The following OSBPL3 variants were observed in gnomAD, a reference collection of about 807,000 sequenced individuals.
OSBPL3 encodes oxysterol binding protein like 3.
A neutral mutation model predicts 120.1 loss-of-function variants in OSBPL3; 65 were observed. The observed-to-expected ratio is 0.54, with a 90% CI of 0.44 to 0.67. The LOEUF (loss-of-function observed/expected upper bound fraction) is 0.67. Ranked by LOEUF, OSBPL3 falls within the 30% of genes least tolerant of loss-of-function variation. The pLI, the probability that OSBPL3 is intolerant of heterozygous loss-of-function variation, is 0.00. For synonymous variants in OSBPL3, 416 were observed against 402.6 expected (o/e 1.03, Z -0.40); for missense variants, 1,004 against 1,082.1 (o/e 0.93, Z 1.01).
chr7:24,885,411 G>A (rs1186959651), intron 2 of OSBPL3, among the ~76,000 whole-genome samples: 1 of 152,050 alleles, frequency 6.6e-6, no homozygotes, highest in Non-Finnish European at 1.5e-5. Context: ...GCTCTCTGGA[G>A]TGCGGCATAA....
chr7:24,928,019 C>A (rs1162501018), intron 1 of OSBPL3, among the ~76,000 whole-genome samples: 1 of 152,048 alleles, frequency 6.6e-6, no homozygotes, highest in East Asian at 1.9e-4. Flanking sequence ...ATTGTGAGAT[C>A]TTGTTGTTCA....
chr7:24,935,027 G>T (rs1584669061), intron 1 of OSBPL3, among the ~76,000 whole-genome samples: 1 of 152,062 alleles, frequency 6.6e-6, no homozygotes, highest in East Asian at 1.9e-4. Context: ...GTACAAGGTT[G>T]CTCATCATAA....
At chr7:24,924,197 A>G (rs1810753129) in intron 1 of OSBPL3, among the ~76,000 whole-genome samples, 1 of 152,218 alleles carries the variant, frequency 6.6e-6, no homozygotes, top group Non-Finnish European at 1.5e-5. Context: ...ATTTATGGTT[A>G]AGAGAAAAAT....
At chr7:24,974,524 G>T (rs1358209300) in intron 1 of OSBPL3, among the ~76,000 whole-genome samples, 1 of 152,088 alleles carries the variant, frequency 6.6e-6, no homozygotes, top group Non-Finnish European at 1.5e-5. Context: ...ATAAAACAGC[G>T]AACAGGGCCC....
In OSBPL3 at chr7:24,879,322, A is replaced by G. The variant is rs1235067165; in HGVS notation, c.97-7253T>C. Among the ~76,000 whole-genome samples the G allele has an allele frequency of 6.6e-6, 1 of 152,250 alleles. No homozygotes were observed. Among genetic ancestry groups the G allele is most frequent in the African/African-American group, 2.4e-5 (1 of 41,466 alleles). On this transcript the variant is annotated intron_variant, in intron 2 of 22. Coordinates refer to ENST00000313367, the MANE Select transcript of OSBPL3 (RefSeq NM_015550.4). This position sits in a 1 kb window ranked among gnomAD's most constrained non-coding sequence, Gnocchi z 5.6. ...TTTGGGATCTAAGTGAGAAGATTAA[A>G]GAAAACAGGAGACTGAGCAATGAAG...
At chr7:24,934,138 G>C (rs1463174622) in intron 1 of OSBPL3, among the ~76,000 whole-genome samples, 2 of 151,978 alleles carry the variant, frequency 1.3e-5, no homozygotes, top group Non-Finnish European at 2.9e-5. Flanking sequence ...CTTCAATACA[G>C]GCCTCATTTT....
intron 1 of OSBPL3, among the ~76,000 whole-genome samples, chr7:24,951,311 T>A (rs1814405280): frequency 1.3e-5 from 2 of 152,190 alleles, no homozygotes; most frequent in South Asian, 4.1e-4. Flanking sequence ...TAAAAGCAAC[T>A]CCTTGCTCAA....
At position 24,979,385 on chromosome 7, in the gene OSBPL3, G is replaced by A. The variant is rs537103742; in HGVS notation, c.-150+501C>T. Among the ~76,000 whole-genome samples the A allele has an allele frequency of 3.0e-4, 45 of 152,284 alleles. 1 individual carries two copies. The highest frequency in any genetic ancestry group is 1.0e-3 in the African/African-American group (43 of 41,570). On this transcript the variant is annotated intron_variant, in intron 1 of 22. Transcript: ENST00000313367. ...CCTGGGCCTCCAGCCCAGCACCGGG[G>A]AGCTGAGCAAGCCGGGGTTGGGAAG...
In OSBPL3 at chr7:24,917,399, A is replaced by AT. The variant is rs1194293107; in HGVS notation, c.-149-24779_-149-24778insA. Among the ~76,000 whole-genome samples, 205 of 42,872 alleles carry AT rather than the reference A, an allele frequency of 4.8e-3. 2 individuals carry two copies. Among genetic ancestry groups the AT allele is most frequent in the African/African-American group, 0.02 (195 of 9,666 alleles). The allele number at this position is 42,872 out of a possible 152,430, so 28.1% of individuals were successfully genotyped here. Reference sequence around the variant, plus strand: ...ATTTGTAACATATATATATATTTGTAACATATATATATATATATATATATA... The same window carrying AT: ...ATTTGTAACATATATATATATTTGTATACATATATATATATATATATATATA... On this transcript the variant is annotated intron_variant, in intron 1 of 22. Transcript: ENST00000313367.
intron 1 of OSBPL3, among the ~76,000 whole-genome samples, chr7:24,951,532 C>A (rs976283057): frequency 6.6e-6 from 1 of 152,138 alleles, no homozygotes; most frequent in Non-Finnish European, 1.5e-5. Flanking sequence ...ATCTGGTTTA[C>A]AAAAGCCAGA....
rs1812981288 is a variant in OSBPL3 at position 24,940,701 on chromosome 7, A to G, written c.-150+39185T>C. Reference sequence around the variant, plus strand: ...AATGAAGATGTCAGGTAAGTCCTCAATATAAGCACAGCAGAGGATAACAAC... The same window carrying G: ...AATGAAGATGTCAGGTAAGTCCTCAGTATAAGCACAGCAGAGGATAACAAC... On this transcript the variant is annotated intron_variant, in intron 1 of 22. Transcript: ENST00000313367. The surrounding 1 kb of genome is among the most constrained non-coding windows in gnomAD (Gnocchi z 4.4). Among the ~76,000 whole-genome samples the G allele has an allele frequency of 6.6e-6, 1 of 152,192 alleles. No individual in the cohort carries two copies. The highest frequency in any genetic ancestry group is 1.5e-5 in the Non-Finnish European group (1 of 68,022).
intron 5 of OSBPL3, among the ~76,000 whole-genome samples, chr7:24,869,726 G>A (rs1035252255): frequency 6.6e-6 from 1 of 152,162 alleles, no homozygotes; most frequent in South Asian, 2.1e-4. Context: ...ATACAGTTAG[G>A]CTAGGAAATA....
chr7:24,861,638 T>C lies in OSBPL3; in HGVS notation c.1002A>G (p.Glu334=). Reference sequence around the variant, plus strand: ...CTTTATGGGCAATATGACACAGATCTTCTTGCATTTTAGAAAACTCTGATG... The same window carrying C: ...CTTTATGGGCAATATGACACAGATCCTCTTGCATTTTAGAAAACTCTGATG... ...ETSSEFSKMQ[E]DLCHIAHKVY... Residue 334 remains glutamate, a synonymous_variant, in exon 10 of 23, where the codon GAA becomes GAG. Transcript: ENST00000313367. 1.2e-6 allele frequency: 2 copies of C among 1,604,738 alleles called. No individual in the cohort carries two copies. The highest frequency in any genetic ancestry group is 1.7e-6 in the Non-Finnish European group (2 of 1,176,606).
intron 1 of OSBPL3, among the ~76,000 whole-genome samples, chr7:24,976,348 T>A (rs1437175010): frequency 1.3e-5 from 2 of 152,130 alleles, no homozygotes; most frequent in African/African-American, 4.8e-5. Flanking sequence ...CTTAAATAAT[T>A]TACCTGACCA....
chr7:24,942,379 C>A (rs1813205299), intron 1 of OSBPL3, among the ~76,000 whole-genome samples: 1 of 152,178 alleles, frequency 6.6e-6, no homozygotes, highest in Non-Finnish European at 1.5e-5. Flanking sequence ...CCAGGAGTGC[C>A]TGAAGCCATG....
intron 7 of OSBPL3, among the ~76,000 whole-genome samples, chr7:24,864,917 G>A (rs1262307536): frequency 6.6e-6 from 1 of 152,174 alleles, no homozygotes; most frequent in Non-Finnish European, 1.5e-5. Flanking sequence ...GGGTATTACT[G>A]CATTTTAAAA....
intron 19 of OSBPL3, among the ~76,000 whole-genome samples, chr7:24,811,521 CTA>C (rs1476392461): frequency 6.6e-6 from 1 of 152,102 alleles, no homozygotes; most frequent in African/African-American, 2.4e-5. Context: ...TCCCATTTGT[CTA>C]TGTTTGCTTT....
chr7:24,857,583 T>C (rs937215506), intron 10 of OSBPL3, among the ~76,000 whole-genome samples: 38 of 152,236 alleles, frequency 2.5e-4, no homozygotes, highest in Admixed American at 2.0e-4. Flanking sequence ...GAGAGGTTAA[T>C]AAATGAAGTC....
chr7:24,951,171 T>A (rs1814386441), intron 1 of OSBPL3, among the ~76,000 whole-genome samples: 1 of 152,156 alleles, frequency 6.6e-6, no homozygotes, highest in Non-Finnish European at 1.5e-5. Flanking sequence ...ACGAAGAAAT[T>A]TGAGATTATG....
Sources: allele counts gnomAD v4.1 joint callset (sites outside exome capture counted in the v4.1 genomes callset), GRCh38; gene constraint gnomAD v4.1.1; non-coding constraint Gnocchi (gnomAD v3.1); transcripts MANE v1.5; gene names NCBI Gene and HGNC (gene_info 2026-07-23, HGNC 2026-07-21).